The following GRIA4 variants were observed in gnomAD, a reference collection of about 807,000 sequenced individuals.
GRIA4 encodes glutamate ionotropic receptor AMPA type subunit 4, also known as glutamate receptor 4.
In GRIA4, 34 loss-of-function variants were observed where a neutral mutation model predicts 104.0. The observed-to-expected ratio is 0.33, with a 90% confidence interval of 0.25 to 0.44. The LOEUF is 0.44. Among genes scored for constraint, GRIA4 ranks in the 20% least tolerant of loss-of-function variants. The pLI, the probability that GRIA4 is intolerant of heterozygous loss-of-function variation, is 1.00. For missense variants in GRIA4, 750 were observed against 1,096.5 expected (o/e 0.68, Z 4.46); for synonymous variants, 386 against 381.9 (o/e 1.01, Z -0.13).
At chr11:105,977,953 T>G (rs778578819) in intron 16 of GRIA4, among the ~76,000 whole-genome samples, 76 of 152,092 alleles carry the variant, frequency 5.0e-4, no homozygotes, top group Non-Finnish European at 9.7e-4. Flanking sequence ...TTGAATTGTT[T>G]CATTTCTAAC....
At chr11:105,956,787 A>C (rs1948601813) in intron 14 of GRIA4, among the ~76,000 whole-genome samples, 1 of 152,150 alleles carries the variant, frequency 6.6e-6, no homozygotes, top group Non-Finnish European at 1.5e-5. Flanking sequence ...CTGACTTTTT[A>C]ATGATTGCCA....
At chr11:105,869,877 C>T (rs1340110799) in intron 5 of GRIA4, among the ~76,000 whole-genome samples, 2 of 151,938 alleles carry the variant, frequency 1.3e-5, no homozygotes, top group African/African-American at 2.4e-5. Flanking sequence ...TCTCCAATCT[C>T]ATATACAACT....
chr11:105,979,591 C>T lies in GRIA4; in HGVS notation c.2561C>T (p.Ala854Val), dbSNP rs1453040013. Residue 854 changes from alanine to valine, a missense_variant, in exon 17 of 17, where the codon GCC (alanine) becomes GTC (valine). Physicochemically the swap from Ala to Val is moderately conservative, Grantham distance 64 (BLOSUM62 0). Around this residue, in one of 3 missense-constraint regions of GRIA4, gnomAD observed 68 missense variants for 69.3 expected, o/e 0.98. Transcript: ENST00000282499. ...AKRMKLTFSEAIRNKARLSIT... is the reference protein window; with the variant it reads ...AKRMKLTFSEVIRNKARLSIT... ...GCAACCCAGCTGACCTTTTCTGAAG[C>T]CATAAGAAACAAAGCCAGATTATCC... The T allele has an allele frequency of 6.2e-7, 1 of 1,614,092 alleles. No homozygotes were observed. The highest frequency in any genetic ancestry group is 1.1e-5 in the South Asian group (1 of 91,080).
chr11:105,914,952 C>G (rs951760427), intron 10 of GRIA4, among the ~76,000 whole-genome samples: 4 of 152,024 alleles, frequency 2.6e-5, no homozygotes, highest in Admixed American at 2.6e-4. Context: ...AGCCCCCTAC[C>G]TTTGTATTAA....
chr11:105,933,252 TA>T (rs895353047), intron 13 of GRIA4, among the ~76,000 whole-genome samples: 1 of 149,764 alleles, frequency 6.7e-6, no homozygotes, highest in Non-Finnish European at 1.5e-5. Flanking sequence ...CAAAAAACTC[TA>T]AAAAAAAATA....
chr11:105,680,936 A>G (rs1339165481), intron 3 of GRIA4, among the ~76,000 whole-genome samples: 4 of 152,168 alleles, frequency 2.6e-5, no homozygotes, highest in Non-Finnish European at 5.9e-5. Flanking sequence ...AACATCCTCC[A>G]TACAGATTAT....
chr11:105,710,182 A>T lies in GRIA4; in HGVS notation c.248-42799A>T, dbSNP rs190084297. On this transcript the variant is annotated intron_variant, in intron 3 of 16. Coordinates refer to ENST00000282499, the MANE Select transcript of GRIA4 (RefSeq NM_000829.4). ...TTACCTTGATGAAATTCACATTTGCAGGCCAGCTTACCTTGCTGCGATACA... is the reference window on the plus strand; with the variant it reads ...TTACCTTGATGAAATTCACATTTGCTGGCCAGCTTACCTTGCTGCGATACA... Among the ~76,000 whole-genome samples the T allele has an allele frequency of 2.8e-3, 426 of 152,244 alleles. 1 individual carries two copies. Among genetic ancestry groups the T allele is most frequent in the Middle Eastern group, 0.027 (8 of 294 alleles).
At chr11:105,902,679 A>G (rs1009016161) in intron 7 of GRIA4, among the ~76,000 whole-genome samples, 2 of 152,158 alleles carry the variant, frequency 1.3e-5, no homozygotes, top group African/African-American at 4.8e-5. Context: ...ATTTTTCTTC[A>G]TTTGAAAGCA....
chr11:105,924,496 T>C lies in GRIA4; in HGVS notation c.1574T>C (p.Met525Thr), dbSNP rs1361803832. The C allele has an allele frequency of 6.2e-7, 1 of 1,613,300 alleles. No homozygotes were observed. Among genetic ancestry groups the C allele is most frequent in the Non-Finnish European group, 8.5e-7 (1 of 1,179,422 alleles). The change falls in exon 12 of 17, where the codon ATG becomes ACG. Residue 525 changes from methionine to threonine, a missense_variant. Around this residue, in one of 3 missense-constraint regions of GRIA4, gnomAD observed 272 missense variants for 524.5 expected, o/e 0.52. Coordinates refer to ENST00000282499, the MANE Select transcript of GRIA4 (RefSeq NM_000829.4). ...KPFMSLGISI[M>T]IKKPQKSKPG... ...TTCATGAGTTTGGGCATATCTATCA[T>C]GATCAAAAAGCCTCAGAAATCCAAA...
intron 3 of GRIA4, among the ~76,000 whole-genome samples, chr11:105,688,819 A>G (rs149059399): frequency 2.0e-5 from 3 of 152,298 alleles, no homozygotes; most frequent in East Asian, 3.9e-4. Flanking sequence ...TAACGCCATA[A>G]TATACAGATA....
intron 14 of GRIA4, among the ~76,000 whole-genome samples, chr11:105,946,645 G>A (rs973157999): frequency 2.6e-5 from 4 of 151,622 alleles, no homozygotes; most frequent in African/African-American, 4.8e-5. Flanking sequence ...AGTTGAGCTC[G>A]AAAAAGAAAA....
At chr11:105,702,544 T>C (rs996979375) in intron 3 of GRIA4, among the ~76,000 whole-genome samples, 12 of 151,822 alleles carry the variant, frequency 7.9e-5, no homozygotes, top group South Asian at 2.1e-4. Context: ...GACATTTATA[T>C]AATAAAAAGA....
At chr11:105,623,073 A>G (rs913903009) in intron 3 of GRIA4, among the ~76,000 whole-genome samples, 2 of 142,418 alleles carry the variant, frequency 1.4e-5, no homozygotes, top group Non-Finnish European at 1.6e-5. Context: ...ATATATATAT[A>G]TATATATATA....
intron 4 of GRIA4, among the ~76,000 whole-genome samples, chr11:105,775,051 C>T (rs1202608906): frequency 6.6e-6 from 1 of 152,126 alleles, no homozygotes; most frequent in Non-Finnish European, 1.5e-5. Context: ...TCTCTGCCTC[C>T]TCAGGCTTCC....
chr11:105,748,385 T>A (rs1379968932), intron 3 of GRIA4, among the ~76,000 whole-genome samples: 1 of 18,508 alleles, frequency 5.4e-5, no homozygotes, highest in Non-Finnish European at 1.1e-4. Flanking sequence ...CTTTTGTGAT[T>A]TTTTTTTTTT....
At chr11:105,715,315 T>C (rs1326993464) in intron 3 of GRIA4, among the ~76,000 whole-genome samples, 3 of 152,196 alleles carry the variant, frequency 2.0e-5, no homozygotes, top group African/African-American at 7.2e-5. Flanking sequence ...ATATTAAGTC[T>C]TATGTTTGAA....
At chr11:105,732,959 AC>A (rs768701096) in intron 3 of GRIA4, among the ~76,000 whole-genome samples, 11 of 152,160 alleles carry the variant, frequency 7.2e-5, no homozygotes, top group Non-Finnish European at 1.3e-4. Flanking sequence ...CACATTTATT[AC>A]CTCATTTGAT....
intron 6 of GRIA4, among the ~76,000 whole-genome samples, chr11:105,895,900 T>C (rs868800692): frequency 2.0e-5 from 3 of 152,322 alleles, no homozygotes; most frequent in Middle Eastern, 6.8e-3. Flanking sequence ...TGCTGATGTC[T>C]TTTTGACAAA....
At chr11:105,890,876 C>T (rs186686031) in intron 6 of GRIA4, among the ~76,000 whole-genome samples, 73 of 152,218 alleles carry the variant, frequency 4.8e-4, no homozygotes, top group Non-Finnish European at 8.2e-4. Context: ...AAGATTGCTG[C>T]GATTCTTTTT....
Sources: gnomAD v4.1 joint callset for allele counts (sites outside exome capture counted in the v4.1 genomes callset) on GRCh38, gnomAD v4.1.1 for gene constraint, gnomAD v4.1.1 regional missense constraint, MANE v1.5 for transcripts, NCBI Gene and HGNC (gene_info 2026-07-23, HGNC 2026-07-21) for gene names.